MAGI2: variants seen among roughly 807,000 people sequenced by gnomAD.
The protein encoded by MAGI2 is membrane associated guanylate kinase, WW and PDZ domain containing 2.
MAGI2 carries 35 observed loss-of-function variants against 133.3 expected under a neutral mutation model. The observed-to-expected ratio is 0.26, with a 90% CI of 0.20 to 0.35. The LOEUF is 0.35. MAGI2 is among the 10% of genes least tolerant of loss of function. MAGI2 has a pLI of 1.00. For synonymous variants in MAGI2, 729 were observed against 710.6 expected (o/e 1.03, Z -0.41); for missense variants, 1,636 against 1,863.4 (o/e 0.88, Z 2.25).
intron 10 of MAGI2, among the ~76,000 whole-genome samples, chr7:78,207,518 A>G (rs1171192397): frequency 6.6e-6 from 1 of 152,210 alleles, no homozygotes; most frequent in African/African-American, 2.4e-5. Flanking sequence ...GCCTTTGGTA[A>G]ATGTAAGCCA....
chr7:78,984,381 C>A (rs754903272), intron 2 of MAGI2, among the ~76,000 whole-genome samples: 7 of 151,984 alleles, frequency 4.6e-5, no homozygotes, highest in Non-Finnish European at 8.8e-5. Context: ...AAAGTCAAAG[C>A]CTTTATCACC....
chr7:79,196,163 A>G (rs544230325), intron 1 of MAGI2, among the ~76,000 whole-genome samples: 2 of 152,046 alleles, frequency 1.3e-5, no homozygotes, highest in South Asian at 4.1e-4. Context: ...TCCACAATGT[A>G]TATTTTCTTT....
intron 2 of MAGI2, among the ~76,000 whole-genome samples, chr7:78,843,971 T>TA (rs937106791): frequency 1.4e-5 from 2 of 147,352 alleles, no homozygotes; most frequent in African/African-American, 4.9e-5. Flanking sequence ...CACAGCTATA[T>TA]AAAAAATAAT....
intron 2 of MAGI2, among the ~76,000 whole-genome samples, chr7:78,860,760 T>C (rs2065028474): frequency 6.6e-6 from 1 of 152,144 alleles, no homozygotes. Flanking sequence ...GAACCACTAC[T>C]CTCTTCAAAG....
chr7:78,914,302 T>A (rs1211083463), intron 2 of MAGI2, among the ~76,000 whole-genome samples: 1 of 152,160 alleles, frequency 6.6e-6, no homozygotes, highest in African/African-American at 2.4e-5. Context: ...TCTTCCTGTG[T>A]GCATTTCTAG....
intron 1 of MAGI2, among the ~76,000 whole-genome samples, chr7:79,093,205 GAGA>G (rs1390559348): frequency 6.6e-6 from 1 of 151,742 alleles, no homozygotes; most frequent in African/African-American, 2.4e-5. Flanking sequence ...CTCATGCTGG[GAGA>G]AGCTCAGTTC....
At chr7:78,920,735 A>C (rs1799161646) in intron 2 of MAGI2, among the ~76,000 whole-genome samples, 1 of 152,076 alleles carries the variant, frequency 6.6e-6, no homozygotes, top group Non-Finnish European at 1.5e-5. Flanking sequence ...TGAAAGAAAA[A>C]TATTAGTCTC....
chr7:78,216,821 A>AATAAT (rs916689807), intron 10 of MAGI2, among the ~76,000 whole-genome samples: 3 of 152,184 alleles, frequency 2.0e-5, no homozygotes, highest in African/African-American at 7.2e-5. Context: ...TTTGGGTCTA[A>AATAAT]ATAATAGAAG....
chr7:78,996,065 T>C (rs564246593), intron 2 of MAGI2, among the ~76,000 whole-genome samples: 2 of 152,274 alleles, frequency 1.3e-5, no homozygotes, highest in East Asian at 1.9e-4. Flanking sequence ...CTTGTTTTAG[T>C]TGATGTTCAG....
intron 2 of MAGI2, among the ~76,000 whole-genome samples, chr7:78,714,761 T>C (rs1221890986): frequency 6.6e-6 from 1 of 152,112 alleles, no homozygotes; most frequent in African/African-American, 2.4e-5. Flanking sequence ...AGGAGGGAAA[T>C]GCAAAGGCTT....
chr7:78,354,851 T>C (rs1254919678), intron 7 of MAGI2, among the ~76,000 whole-genome samples: 2 of 152,160 alleles, frequency 1.3e-5, no homozygotes, highest in African/African-American at 2.4e-5. Flanking sequence ...AATCTTTAAA[T>C]ACCTTGCCAC....
intron 2 of MAGI2, among the ~76,000 whole-genome samples, chr7:78,924,729 C>A (rs554812536): frequency 1.6e-4 from 24 of 152,098 alleles, no homozygotes; most frequent in South Asian, 1.2e-3. Context: ...AGGGAGGATT[C>A]CCTGTTCTAG....
chr7:79,288,622 C>T (rs992452427), intron 1 of MAGI2, among the ~76,000 whole-genome samples: 1 of 152,162 alleles, frequency 6.6e-6, no homozygotes, highest in East Asian at 1.9e-4. Flanking sequence ...ATTTTACCAA[C>T]TGGTAACTAT....
At chr7:78,209,221 C>CAAAAAAA (rs370809243) in intron 10 of MAGI2, among the ~76,000 whole-genome samples, 9 of 10,626 alleles carry the variant, frequency 8.5e-4, no homozygotes, top group East Asian at 5.1e-3. Context: ...GACTCTGTCT[C>CAAAAAAA]AAAAAAAAAA....
intron 1 of MAGI2, among the ~76,000 whole-genome samples, chr7:79,306,604 T>G (rs1167432795): frequency 6.6e-6 from 1 of 152,120 alleles, no homozygotes; most frequent in African/African-American, 2.4e-5. Flanking sequence ...ATGATGCAGA[T>G]TTTTTTCTTT....
rs184156393 is a variant in MAGI2 at position 78,540,964 on chromosome 7, G to A, written c.539-19319C>T. On this transcript the variant is annotated intron_variant, in intron 3 of 21. Coordinates refer to ENST00000354212, the MANE Select transcript of MAGI2 (RefSeq NM_012301.4). ...TTTTTCAGCCATCTCAGAGTTTGCC[G>A]TGGCAAGCCACTTCTTTCAAAGGGT... Among the ~76,000 whole-genome samples, 600 of 152,254 alleles carry A rather than the reference G, an allele frequency of 3.9e-3. 3 individuals are homozygous for A. Among genetic ancestry groups the A allele is most frequent in the Admixed American group, 0.011 (173 of 15,300 alleles).
chr7:78,913,614 CATT>C (rs1798577623), intron 2 of MAGI2, among the ~76,000 whole-genome samples: 1 of 152,166 alleles, frequency 6.6e-6, no homozygotes, highest in Non-Finnish European at 1.5e-5. Context: ...CCTTTCCTAT[CATT>C]CTGTTTTGTC....
chr7:78,334,579 A>T (rs914545930), intron 9 of MAGI2, among the ~76,000 whole-genome samples: 1 of 152,196 alleles, frequency 6.6e-6, no homozygotes, highest in Middle Eastern at 3.2e-3. Context: ...GTTATTCACA[A>T]ACACCCCTTC....
At chr7:78,111,054 A>G (rs1819311486) in intron 20 of MAGI2, among the ~76,000 whole-genome samples, 1 of 152,210 alleles carries the variant, frequency 6.6e-6, no homozygotes, top group South Asian at 2.1e-4. Flanking sequence ...CTCATCTGCC[A>G]GAAGCTTTAG....
Sources: allele counts gnomAD v4.1 joint callset (sites outside exome capture counted in the v4.1 genomes callset), GRCh38; gene constraint gnomAD v4.1.1; transcripts MANE v1.5; gene names NCBI Gene and HGNC (gene_info 2026-07-23, HGNC 2026-07-21).